The following PAG1 variants were observed in gnomAD, a reference collection of about 807,000 sequenced individuals.
The protein encoded by PAG1 is phosphoprotein membrane anchor with glycosphingolipid microdomains 1.
Under a neutral mutation model 31.7 loss-of-function variants are expected in PAG1, and 23 were observed. That is an observed-to-expected ratio of 0.73 (90% confidence interval 0.52 to 1.03). The LOEUF (loss-of-function observed/expected upper bound fraction) is 1.03, where lower values mean the gene tolerates loss of function less well. Ranked by LOEUF, PAG1 falls within the 50% of genes least tolerant of loss-of-function variation. PAG1 has a pLI of 0.00. For missense variants in PAG1, 473 were observed against 540.7 expected, an observed-to-expected ratio of 0.87 and a Z score of 1.24; for synonymous variants, 214 against 210.3, an observed-to-expected ratio of 1.02 and a Z score of -0.15.
At chr8:81,020,533 C>T (rs983822939) in intron 3 of PAG1, among the ~76,000 whole-genome samples, 1 of 152,174 alleles carries the variant, frequency 6.6e-6, no homozygotes, top group Non-Finnish European at 1.5e-5. Flanking sequence ...TCTCTCTTGC[C>T]TGCCGCCATG....
chr8:81,055,952 T>C (rs1000031520), intron 2 of PAG1, among the ~76,000 whole-genome samples: 1 of 152,190 alleles, frequency 6.6e-6, no homozygotes, highest in Non-Finnish European at 1.5e-5. Context: ...CCTTTATTTC[T>C]TTCTTCTGCC....
rs77435187 is a variant in PAG1 at position 81,007,008 on chromosome 8, G to C, written c.-80-13701C>G. ...AGAGACCAAGGAAAGTCTTCAGGTT[G>C]TACAATGAGAACAAATATCACAGTA... On this transcript the variant is annotated intron_variant, in intron 3 of 8. Coordinates refer to ENST00000220597, the MANE Select transcript of PAG1 (RefSeq NM_018440.4). 1.0e-3 allele frequency among the ~76,000 whole-genome samples: 152 copies of C among 152,284 alleles called. 6 individuals are homozygous for C. In the East Asian group the frequency reaches 0.027, roughly 27 times the overall value.
At chr8:81,096,342 C>T (rs1809527963) in intron 1 of PAG1, among the ~76,000 whole-genome samples, 3 of 152,072 alleles carry the variant, frequency 2.0e-5, no homozygotes, top group African/African-American at 7.2e-5. Context: ...GAAGAGACTT[C>T]ACAAAGATCA....
At chr8:81,036,048 A>G (rs1808457399) in intron 2 of PAG1, among the ~76,000 whole-genome samples, 1 of 151,942 alleles carries the variant, frequency 6.6e-6, no homozygotes, top group Non-Finnish European at 1.5e-5. Flanking sequence ...TAACTGGGGG[A>G]GCAGGGTGTT....
At chr8:81,034,608 G>A (rs185318030) in intron 2 of PAG1, among the ~76,000 whole-genome samples, 1 of 152,338 alleles carries the variant, frequency 6.6e-6, no homozygotes, top group Admixed American at 6.5e-5. Flanking sequence ...TCTCTGAGAA[G>A]TGTTGTTAAA....
chr8:81,094,789 A>AC, intron 1 of PAG1, among the ~76,000 whole-genome samples: 1 of 152,274 alleles, frequency 6.6e-6, no homozygotes, highest in South Asian at 2.1e-4. Flanking sequence ...TCATGAAACA[A>AC]CCCTCAAAGG....
intron 2 of PAG1, among the ~76,000 whole-genome samples, chr8:81,052,571 T>C (rs189806297): frequency 6.6e-6 from 1 of 152,238 alleles, no homozygotes; most frequent in Non-Finnish European, 1.5e-5. Context: ...GATCAAAATA[T>C]AGCTTTAAAA....
At chr8:81,021,828 G>A (rs577494117) in intron 3 of PAG1, among the ~76,000 whole-genome samples, 4 of 152,144 alleles carry the variant, frequency 2.6e-5, no homozygotes, top group Non-Finnish European at 5.9e-5. Context: ...AGCAAGGAAT[G>A]TAGTAGAGTA....
chr8:81,089,052 T>G (rs943742999), intron 1 of PAG1, among the ~76,000 whole-genome samples: 1 of 152,232 alleles, frequency 6.6e-6, no homozygotes, highest in Non-Finnish European at 1.5e-5. Context: ...AGATCTGAGA[T>G]TTCACCCAAC....
rs1807156991 is a variant in PAG1, at chr8:80,975,280, T to C, written c.*1264A>G. ...TCCAAGTACCATTTAAAAAGGTGAGTCTTTAAAAACCATCAGTGTTTTAAA... is the reference window on the plus strand; with the variant it reads ...TCCAAGTACCATTTAAAAAGGTGAGCCTTTAAAAACCATCAGTGTTTTAAA... On this transcript the variant is annotated 3_prime_UTR_variant, in exon 9 of 9. Transcript: ENST00000220597. 6.6e-6 allele frequency: 1 copy of C among 152,148 alleles called. No homozygotes were observed. Among genetic ancestry groups the C allele is most frequent in the African/African-American group, 2.4e-5 (1 of 41,430 alleles). The allele number at this position is 152,148 out of a possible 1,614,324, so 9.4% of individuals were successfully genotyped here. A position where few individuals can be genotyped will look rare whatever the true frequency, so the allele number is the denominator to read the frequency against.
At chr8:81,021,812 C>T (rs1808177172) in intron 3 of PAG1, among the ~76,000 whole-genome samples, 1 of 151,998 alleles carries the variant, frequency 6.6e-6, no homozygotes, top group Non-Finnish European at 1.5e-5. Flanking sequence ...TTAACAAAAT[C>T]TAAAAAGCAA....
intron 3 of PAG1, among the ~76,000 whole-genome samples, chr8:81,026,877 A>G (rs948201001): frequency 6.6e-6 from 1 of 152,248 alleles, no homozygotes; most frequent in Non-Finnish European, 1.5e-5. Context: ...GAAAAACAAT[A>G]AAATAAAAAC....
intron 1 of PAG1, among the ~76,000 whole-genome samples, chr8:81,101,550 A>C (rs1809609771): frequency 6.6e-6 from 1 of 152,186 alleles, no homozygotes. Context: ...ACTACCACAG[A>C]CAGTTACGTG....
At chr8:81,007,636 CAAAAA>C (rs58612249) in intron 3 of PAG1, among the ~76,000 whole-genome samples, 605 of 49,718 alleles carry the variant, frequency 0.012, 10 homozygotes, top group African/African-American at 0.05. Context: ...GACTCTGTCT[CAAAAA>C]AAAAAAAAAA....
Position 80,984,829 on chromosome 8 carries a change from C to T in PAG1, c.823G>A (p.Glu275Lys), listed in dbSNP as rs1464235142. The change falls in exon 7 of 9, where the codon GAA (glutamate) becomes AAA (lysine). Residue 275 changes from glutamate (E) to lysine (K), a missense_variant. Physicochemically the swap from Glu to Lys is moderately conservative, Grantham distance 56. Transcript: ENST00000220597. ...GCACTCTCTTCCGCCTCTCCCCCTT[C>T]CTTCTCCTGAAGGTTTTCATTCTCG... is the stretch of plus-strand genomic sequence containing the variant. ...LDENENLQEKEGGEAEESATD... is the reference protein window; with the variant it reads ...LDENENLQEKKGGEAEESATD... The T allele has an allele frequency of 6.2e-7, 1 of 1,614,044 alleles. No individual in the cohort carries two copies. The highest frequency in any genetic ancestry group is 1.3e-5 in the African/African-American group (1 of 74,918).
In PAG1 at chr8:80,969,163, A is replaced by G. The variant is rs1807024700; in HGVS notation, c.*7381T>C. On this transcript the variant is annotated 3_prime_UTR_variant, in exon 9 of 9. Coordinates refer to ENST00000220597, the MANE Select transcript of PAG1 (RefSeq NM_018440.4). ...GCCATCTTCCAGGACATGGGCGGGTAGTGGCACATAGGAATTAAATCCTAG... is the reference window on the plus strand; with the variant it reads ...GCCATCTTCCAGGACATGGGCGGGTGGTGGCACATAGGAATTAAATCCTAG... The G allele has an allele frequency of 6.6e-6, 1 of 152,218 alleles. No individual in the cohort carries two copies. The highest frequency in any genetic ancestry group is 1.5e-5 in the Non-Finnish European group (1 of 68,052). The allele number at this position is 152,218 out of a possible 1,614,324, so 9.4% of individuals were successfully genotyped here.
In PAG1 at chr8:80,972,301, T is replaced by C. The variant is rs974344492; in HGVS notation, c.*4243A>G. 2 of 152,178 alleles carry C rather than the reference T, an allele frequency of 1.3e-5. No homozygotes were observed. Among genetic ancestry groups the C allele is most frequent in the Non-Finnish European group, 1.5e-5 (1 of 68,024 alleles). The allele number at this position is 152,178 out of a possible 1,614,324, so 9.4% of individuals were successfully genotyped here. On this transcript the variant is annotated 3_prime_UTR_variant, in exon 9 of 9. Transcript: ENST00000220597. ...CTTCAGGAGAATGGCATCACAAGATTGCATGGACTCATATTAACTATTACA... is the reference window on the plus strand; with the variant it reads ...CTTCAGGAGAATGGCATCACAAGATCGCATGGACTCATATTAACTATTACA...
At chr8:81,069,524 C>T (rs1312787094) in intron 2 of PAG1, among the ~76,000 whole-genome samples, 1 of 152,196 alleles carries the variant, frequency 6.6e-6, no homozygotes, top group African/African-American at 2.4e-5. Context: ...TTGTGTTAAC[C>T]TGTTCATTTA....
intron 1 of PAG1, among the ~76,000 whole-genome samples, chr8:81,070,686 T>C (rs188734778): frequency 1.6e-4 from 25 of 151,942 alleles, no homozygotes; most frequent in Admixed American, 1.1e-3. Flanking sequence ...CAAAATTGTA[T>C]AGAGACGTGA....
Sources: gnomAD v4.1 joint callset for allele counts (sites outside exome capture counted in the v4.1 genomes callset) on GRCh38, gnomAD v4.1.1 for gene constraint, MANE v1.5 for transcripts, NCBI Gene and HGNC (gene_info 2026-07-23, HGNC 2026-07-21) for gene names.